The following DOCK10 variants were observed in gnomAD, a reference collection of about 807,000 sequenced individuals.
The protein encoded by DOCK10 is dedicator of cytokinesis 10.
DOCK10 carries 145 observed loss-of-function variants against 280.1 expected under a neutral mutation model. That is an observed-to-expected ratio of 0.52 (90% CI 0.45 to 0.59). The LOEUF (loss-of-function observed/expected upper bound fraction) is 0.59, where lower values mean the gene tolerates loss of function less well. Among genes scored for constraint, DOCK10 ranks in the 20% least tolerant of loss-of-function variants. DOCK10 has a pLI of 0.00. For missense variants in DOCK10, 2,368 were observed against 2,651.7 expected, an observed-to-expected ratio of 0.89 and a Z score of 2.35; for synonymous variants, 915 against 942.2, an observed-to-expected ratio of 0.97 and a Z score of 0.53.
At chr2:224,812,621 G>C (rs1444086755) in intron 31 of DOCK10, among the ~76,000 whole-genome samples, 2 of 152,134 alleles carry the variant, frequency 1.3e-5, no homozygotes, top group Non-Finnish European at 2.9e-5. Flanking sequence ...TTGGCTGTGG[G>C]TTTGTCATAG....
chr2:225,029,511 A>C (rs1461164509), intron 1 of DOCK10, among the ~76,000 whole-genome samples: 2 of 152,204 alleles, frequency 1.3e-5, no homozygotes, highest in African/African-American at 4.8e-5. Flanking sequence ...TCAGGTCTAA[A>C]TGTTTATGAC....
chr2:224,888,622 AATAT>A (rs993700646), intron 4 of DOCK10, among the ~76,000 whole-genome samples: 13 of 151,772 alleles, frequency 8.6e-5, no homozygotes, highest in East Asian at 5.8e-4. Flanking sequence ...TATGTGTGTG[AATAT>A]ATGTGTGTAT....
In DOCK10 at chr2:224,819,433, AC is replaced by A. The variant is rs777097882; in HGVS notation, c.3267+12del. 1 of 1,553,748 alleles carries A rather than the reference AC, an allele frequency of 6.4e-7. No homozygotes were observed. The highest frequency in any genetic ancestry group is 8.8e-7 in the Non-Finnish European group (1 of 1,132,172). On this transcript the variant is annotated intron_variant, in intron 29 of 55. Coordinates refer to ENST00000258390, the MANE Select transcript of DOCK10 (RefSeq NM_014689.3). ...TAGTTTAGAAAACAATCACTCCTGTACGTGGTTCTTACCTTAAGGTCACCGG... is the reference window on the plus strand; with the variant it reads ...TAGTTTAGAAAACAATCACTCCTGTAGTGGTTCTTACCTTAAGGTCACCGG...
intron 2 of DOCK10, among the ~76,000 whole-genome samples, chr2:224,929,066 G>A (rs1037534768): frequency 7.2e-5 from 11 of 152,304 alleles, no homozygotes; most frequent in Middle Eastern, 6.8e-3. Flanking sequence ...CAGCTTAAAT[G>A]TCGCCTTCTT....
At chr2:225,032,693 C>T (rs1299238906) in intron 1 of DOCK10, among the ~76,000 whole-genome samples, 2 of 152,172 alleles carry the variant, frequency 1.3e-5, no homozygotes, top group African/African-American at 4.8e-5. Context: ...CAATCAATTT[C>T]CATTTGTCAT....
intron 2 of DOCK10, among the ~76,000 whole-genome samples, chr2:224,918,872 G>A (rs1388226233): frequency 1.4e-5 from 2 of 145,900 alleles, no homozygotes; most frequent in African/African-American, 2.5e-5. Context: ...GTGTGTGAGT[G>A]TGTGTATATG....
chr2:224,770,744 C>T lies in DOCK10; in HGVS notation c.6205-99G>A. The T allele has an allele frequency of 1.3e-6, 1 of 791,358 alleles. No homozygotes were observed. The highest frequency in any genetic ancestry group is 2.1e-5 in the Admixed American group (1 of 47,606). 49.0% of individuals were successfully genotyped at this position (791,358 alleles called of 1,614,324 possible). ...ACTGTGCACCAATGGTGTGGTACCC[C>T]CATCTCACACCCTGCCTTCTAGTCC... is the stretch of plus-strand genomic sequence containing the variant. On this transcript the variant is annotated intron_variant, in intron 53 of 55. Coordinates refer to ENST00000258390, the MANE Select transcript of DOCK10 (RefSeq NM_014689.3). This position sits in a 1 kb window ranked among gnomAD's most constrained non-coding sequence, Gnocchi z 4.5.
intron 3 of DOCK10, among the ~76,000 whole-genome samples, chr2:224,911,822 T>C (rs951875519): frequency 1.3e-5 from 2 of 152,174 alleles, no homozygotes; most frequent in African/African-American, 2.4e-5. Flanking sequence ...CCTAAAACGA[T>C]AGAAACATTT....
chr2:224,787,234 T>A, intron 49 of DOCK10, 41 bp downstream of exon 49: 1 of 1,612,686 alleles, frequency 6.2e-7, no homozygotes, highest in African/African-American at 1.3e-5. Context: ...CAATTCAACA[T>A]AGGATATTTT....
chr2:225,020,851 C>CT (rs1575169691), intron 1 of DOCK10, among the ~76,000 whole-genome samples: 1 of 152,206 alleles, frequency 6.6e-6, no homozygotes, highest in African/African-American at 2.4e-5. Flanking sequence ...CCCTCTCTTA[C>CT]TTCTTGCATT....
rs565232533 is a variant in DOCK10 at position 224,918,967 on chromosome 2, T to C, written c.244-2183A>G. Among the ~76,000 whole-genome samples, 3 of 145,924 alleles carry C rather than the reference T, an allele frequency of 2.1e-5. No homozygotes were observed. In the South Asian group the frequency reaches 6.6e-4, roughly 32 times the overall value. On this transcript the variant is annotated intron_variant, in intron 2 of 55. Transcript: ENST00000258390. Reference sequence around the variant, plus strand: ...TGAATGTGTGTGGTGTGTGTGTGTATGTGTGGTGTGTGTGTTTGTGGTAAG... The same window carrying C: ...TGAATGTGTGTGGTGTGTGTGTGTACGTGTGGTGTGTGTGTTTGTGGTAAG...
At chr2:224,907,531 C>CA (rs1223068187) in intron 3 of DOCK10, among the ~76,000 whole-genome samples, 5 of 151,852 alleles carry the variant, frequency 3.3e-5, no homozygotes, top group Non-Finnish European at 7.4e-5. Flanking sequence ...ACTAAAAATA[C>CA]AAAAAAATTA....
rs1371826531 is a variant in DOCK10 at position 224,960,929 on chromosome 2, G to A, written c.124-29261C>T. On this transcript the variant is annotated intron_variant, in intron 1 of 55. Transcript: ENST00000258390. ...TAATTTTTGTATTTTTAGTAGAGACGGGGTTTCACCGTGTTAGCCAGGATG... is the reference window on the plus strand; with the variant it reads ...TAATTTTTGTATTTTTAGTAGAGACAGGGTTTCACCGTGTTAGCCAGGATG... Among the ~76,000 whole-genome samples the A allele has an allele frequency of 4.0e-5, 6 of 151,526 alleles. No individual in the cohort carries two copies. The East Asian group carries it at 5.8e-4, about 15-fold the overall frequency.
intron 1 of DOCK10, among the ~76,000 whole-genome samples, chr2:225,021,706 GT>G (rs1240925780): frequency 6.6e-6 from 1 of 152,166 alleles, no homozygotes; most frequent in Non-Finnish European, 1.5e-5. Flanking sequence ...AGAGTCGCAG[GT>G]TTTTGTTGTT....
intron 1 of DOCK10, among the ~76,000 whole-genome samples, chr2:224,936,129 A>C (rs1049852726): frequency 6.6e-6 from 1 of 152,194 alleles, no homozygotes; most frequent in African/African-American, 2.4e-5. Flanking sequence ...TGGGAAGGAC[A>C]TTGAAACTAG....
At chr2:224,834,800 C>A (rs1366282886) in intron 25 of DOCK10, among the ~76,000 whole-genome samples, 1 of 151,844 alleles carries the variant, frequency 6.6e-6, no homozygotes, top group Non-Finnish European at 1.5e-5. Context: ...TATTTTTTTT[C>A]CTCAAAAAAT....
At chr2:224,965,692 G>A (rs1341646640) in intron 1 of DOCK10, among the ~76,000 whole-genome samples, 1 of 152,132 alleles carries the variant, frequency 6.6e-6, no homozygotes, top group Non-Finnish European at 1.5e-5. Context: ...AATAGCAGGT[G>A]CTCCATAATT....
At position 224,795,124 on chromosome 2, in the gene DOCK10, T is replaced by C. The variant is rs191160806; in HGVS notation, c.4939-30A>G. The stretch of plus-strand genomic sequence containing the variant: ...GGAAAAGAGAGAGCCTGGGTCATTA[T>C]CTGTTTAGAATCTATAGGTTAACTG... On this transcript the variant is annotated intron_variant, in intron 44 of 55. Coordinates refer to ENST00000258390, the MANE Select transcript of DOCK10 (RefSeq NM_014689.3). 649 of 1,599,532 alleles carry C rather than the reference T, an allele frequency of 4.1e-4. 2 individuals are homozygous for C. The African/African-American group carries it at 7.8e-3, about 19-fold the overall frequency.
intron 38 of DOCK10, 71 bp from the exon 39 acceptor site, chr2:224,804,284 G>C (rs1693229740): frequency 2.4e-6 from 2 of 830,406 alleles, no homozygotes; most frequent in African/African-American, 1.7e-5. Flanking sequence ...AATGGCAACT[G>C]ACAAAACGAT....
Sources: allele counts gnomAD v4.1 joint callset (sites outside exome capture counted in the v4.1 genomes callset), GRCh38; gene constraint gnomAD v4.1.1; non-coding constraint Gnocchi (gnomAD v3.1); transcripts MANE v1.5; gene names NCBI Gene and HGNC (gene_info 2026-07-23, HGNC 2026-07-21).